Variants in C8orf34 observed in about 807,000 individuals in gnomAD.
The protein encoded by C8orf34 is uncharacterized protein C8orf34.
Under a neutral mutation model 68.3 loss-of-function variants are expected in C8orf34, and 65 were observed. That is an observed-to-expected ratio of 0.95 (90% CI 0.78 to 1.17). The LOEUF is 1.17. Ranked by LOEUF, C8orf34 falls within the 50% of genes most tolerant of loss-of-function variation. The probability of loss-of-function intolerance (pLI) is 0.00; values close to 1 mark genes in which losing one functional copy is unlikely to be tolerated. For synonymous variants in C8orf34, 244 were observed against 241.2 expected, an observed-to-expected ratio of 1.01 and a Z score of -0.11; for missense variants, 664 against 655.4, an observed-to-expected ratio of 1.01 and a Z score of -0.14.
chr8:68,591,208 C>A (rs1391232858), intron 7 of C8orf34, among the ~76,000 whole-genome samples: 3 of 152,150 alleles, frequency 2.0e-5, no homozygotes, highest in Non-Finnish European at 4.4e-5. Flanking sequence ...GGTCCTAACT[C>A]TTTTATTTGG....
intron 3 of C8orf34, among the ~76,000 whole-genome samples, chr8:68,465,062 G>A (rs1202036891): frequency 7.3e-5 from 11 of 151,580 alleles, no homozygotes; most frequent in Admixed American, 6.6e-5. Context: ...CTGACAAAGG[G>A]CTAATATCCA....
chr8:68,394,989 T>C (rs1227586359), intron 1 of C8orf34, among the ~76,000 whole-genome samples: 1 of 152,102 alleles, frequency 6.6e-6, no homozygotes, highest in African/African-American at 2.4e-5. Context: ...ACAGTTTTCC[T>C]AGAGTATGAC....
intron 7 of C8orf34, among the ~76,000 whole-genome samples, chr8:68,586,587 T>G (rs1817216503): frequency 1.3e-5 from 2 of 152,172 alleles, no homozygotes. Flanking sequence ...CTGCTCTGTT[T>G]CCTGGAAATC....
At position 68,721,417 on chromosome 8, in the gene C8orf34, G is replaced by C; in HGVS notation, c.1384G>C (p.Ala462Pro). Residue 462 changes from alanine (A) to proline (P), a missense_variant, in exon 10 of 14, where the codon GCA becomes CCA. Coordinates refer to ENST00000518698, the MANE Select transcript of C8orf34 (RefSeq NM_052958.4). ...GGAGGAGGGTGACGAATTTGAGAAA[G>C]CATCTAAACTAACAGGACCTGTAAG... ...LMEEGDEFEK[A>P]SKLTGPGEAS... 1 of 1,608,158 alleles carries C rather than the reference G, an allele frequency of 6.2e-7. No individual in the cohort carries two copies. Among genetic ancestry groups the C allele is most frequent in the Non-Finnish European group, 8.5e-7 (1 of 1,175,858 alleles).
chr8:68,504,899 A>G (rs570583556), intron 5 of C8orf34, among the ~76,000 whole-genome samples: 58 of 151,632 alleles, frequency 3.8e-4, no homozygotes, highest in Non-Finnish European at 3.8e-4. Flanking sequence ...GGCTGGTCTC[A>G]AACTCCTGAC....
chr8:68,439,253 CTAAA>C, intron 1 of C8orf34: 1 of 303,934 alleles, frequency 3.3e-6, no homozygotes, highest in Non-Finnish European at 6.0e-6. Context: ...AAAATAAAAA[CTAAA>C]TAAATCTTGG....
At chr8:68,705,136 G>A (rs2130947232) in intron 8 of C8orf34, among the ~76,000 whole-genome samples, 1 of 152,276 alleles carries the variant, frequency 6.6e-6, no homozygotes, top group African/African-American at 2.4e-5. Context: ...TTTGCTTTTG[G>A]ACATGTTGCC....
At chr8:68,595,792 C>G (rs1214807595) in intron 7 of C8orf34, among the ~76,000 whole-genome samples, 1 of 151,910 alleles carries the variant, frequency 6.6e-6, no homozygotes, top group African/African-American at 2.4e-5. Context: ...TTCATTCCTC[C>G]CTGCTATGTT....
At chr8:68,649,233 A>G (rs1373568739) in intron 8 of C8orf34, among the ~76,000 whole-genome samples, 4 of 152,246 alleles carry the variant, frequency 2.6e-5, no homozygotes, top group Non-Finnish European at 4.4e-5. Context: ...ATCTACTGCC[A>G]TGTTTCAAGA....
At chr8:68,390,079 G>A (rs904049283) in intron 1 of C8orf34, among the ~76,000 whole-genome samples, 1 of 152,128 alleles carries the variant, frequency 6.6e-6, no homozygotes, top group South Asian at 2.1e-4. Flanking sequence ...TTTCAAATTT[G>A]AATGTGTTTT....
chr8:68,729,258 T>C (rs1821915872), intron 10 of C8orf34, among the ~76,000 whole-genome samples: 1 of 152,242 alleles, frequency 6.6e-6, no homozygotes, highest in Non-Finnish European at 1.5e-5. Flanking sequence ...CTCCTGTATT[T>C]CTATTCACTG....
chr8:68,353,552 C>T (rs1352635230), intron 1 of C8orf34, among the ~76,000 whole-genome samples: 8 of 148,524 alleles, frequency 5.4e-5, no homozygotes, highest in African/African-American at 1.7e-4. Context: ...TATATATACA[C>T]ATATGTGTGT....
chr8:68,589,133 C>T (rs1817292594), intron 7 of C8orf34, among the ~76,000 whole-genome samples: 1 of 152,134 alleles, frequency 6.6e-6, no homozygotes, highest in South Asian at 2.1e-4. Context: ...TCACATTGAC[C>T]AGGGATTTTG....
intron 8 of C8orf34, among the ~76,000 whole-genome samples, chr8:68,650,518 C>CGCCCAGG (rs1172019196): frequency 6.7e-5 from 9 of 134,442 alleles, no homozygotes; most frequent in Non-Finnish European, 1.2e-4. Flanking sequence ...CTCGCTCTGT[C>CGCCCAGG]GCCCAGGCTG....
chr8:68,644,976 C>T (rs1161992570), intron 8 of C8orf34, among the ~76,000 whole-genome samples: 1 of 152,218 alleles, frequency 6.6e-6, no homozygotes, highest in African/African-American at 2.4e-5. Context: ...GCCTTGGAAT[C>T]AGGATTTAAT....
intron 8 of C8orf34, among the ~76,000 whole-genome samples, chr8:68,696,466 C>T (rs1820839284): frequency 3.3e-5 from 5 of 151,292 alleles, no homozygotes; most frequent in African/African-American, 1.2e-4. Flanking sequence ...CCTTAAACAA[C>T]ACAGTACTGA....
intron 1 of C8orf34, among the ~76,000 whole-genome samples, chr8:68,395,662 G>C (rs575986069): frequency 6.6e-6 from 1 of 152,218 alleles, no homozygotes; most frequent in South Asian, 2.1e-4. Context: ...GATCCTTGTG[G>C]TTTAGGAGTT....
intron 11 of C8orf34, among the ~76,000 whole-genome samples, chr8:68,784,305 G>A (rs989676142): frequency 4.6e-5 from 7 of 152,170 alleles, no homozygotes; most frequent in African/African-American, 9.7e-5. Context: ...TTGGGTTAAC[G>A]TGTTTTTAGG....
chr8:68,783,064 T>C (rs1040121165), intron 11 of C8orf34, among the ~76,000 whole-genome samples: 3 of 115,906 alleles, frequency 2.6e-5, no homozygotes, highest in African/African-American at 4.6e-5. Flanking sequence ...AGAGAACATG[T>C]CTCAAAAAAA....
Sources: allele counts gnomAD v4.1 joint callset (sites outside exome capture counted in the v4.1 genomes callset), GRCh38; gene constraint gnomAD v4.1.1; transcripts MANE v1.5; gene names NCBI Gene and HGNC (gene_info 2026-07-23, HGNC 2026-07-21).